FOXP2: variants seen among roughly 807,000 people sequenced by gnomAD.
FOXP2 encodes forkhead box protein P2.
Under a neutral mutation model 115.8 loss-of-function variants are expected in FOXP2, and 12 were observed. The observed-to-expected ratio is 0.10, with a 90% confidence interval of 0.07 to 0.17. The LOEUF (loss-of-function observed/expected upper bound fraction) is 0.17. Ranked by LOEUF, FOXP2 falls within the 10% of genes least tolerant of loss-of-function variation. The pLI is 1.00. For synonymous variants in FOXP2, 328 were observed against 297.7 expected (o/e 1.10, Z -1.05); for missense variants, 629 against 843.5 (o/e 0.75, Z 3.15).
intron 2 of FOXP2, among the ~76,000 whole-genome samples, chr7:114,382,904 C>A (rs1792343613): frequency 6.6e-6 from 1 of 152,120 alleles, no homozygotes; most frequent in African/African-American, 2.4e-5. Flanking sequence ...TCATAGCCTT[C>A]TTCCTAGTTT....
chr7:114,457,663 C>T (rs1795369199), intron 2 of FOXP2, among the ~76,000 whole-genome samples: 1 of 152,092 alleles, frequency 6.6e-6, no homozygotes, highest in Non-Finnish European at 1.5e-5. Flanking sequence ...CTTTCGGAGG[C>T]CAAGGCGGGC....
chr7:114,530,537 A>T (rs1584858141), intron 2 of FOXP2, among the ~76,000 whole-genome samples: 1 of 151,932 alleles, frequency 6.6e-6, no homozygotes, highest in Middle Eastern at 3.4e-3. Flanking sequence ...TTGAAAAAAA[A>T]GTTATTTATA....
chr7:114,301,958 AC>A (rs938147792), intron 2 of FOXP2, among the ~76,000 whole-genome samples: 19 of 152,154 alleles, frequency 1.2e-4, no homozygotes, highest in African/African-American at 4.6e-4. Context: ...TCACTATATG[AC>A]AACATTTGAC....
chr7:114,565,125 T>C (rs1800946053), intron 3 of FOXP2, among the ~76,000 whole-genome samples: 1 of 151,526 alleles, frequency 6.6e-6, no homozygotes, highest in Non-Finnish European at 1.5e-5. Flanking sequence ...GAGAAGGCTA[T>C]TCTAGATTTT....
intron 2 of FOXP2, among the ~76,000 whole-genome samples, chr7:114,338,566 A>G (rs1009266671): frequency 6.6e-6 from 1 of 151,154 alleles, no homozygotes; most frequent in Non-Finnish European, 1.5e-5. Flanking sequence ...TGTAAATGAT[A>G]TTTTATGGTT....
intron 1 of FOXP2, among the ~76,000 whole-genome samples, chr7:114,250,317 G>A (rs1360498245): frequency 1.3e-5 from 2 of 152,266 alleles, no homozygotes; most frequent in African/African-American, 2.4e-5. Context: ...ACCCAGTAAT[G>A]GGATGGCTGG....
At chr7:114,178,688 G>C (rs1793379867) in intron 1 of FOXP2, among the ~76,000 whole-genome samples, 1 of 151,892 alleles carries the variant, frequency 6.6e-6, no homozygotes, top group East Asian at 1.9e-4. Context: ...CTATTAGTAA[G>C]GTAGGTCAGC....
chr7:114,454,294 A>G (rs1795195631), intron 2 of FOXP2, among the ~76,000 whole-genome samples: 1 of 152,182 alleles, frequency 6.6e-6, no homozygotes, highest in South Asian at 2.1e-4. Flanking sequence ...GCCATCAGAG[A>G]AATGCAAATC....
chr7:114,158,403 T>C (rs895907227), upstream of FOXP2, among the ~76,000 whole-genome samples: 2 of 152,118 alleles, frequency 1.3e-5, no homozygotes, highest in South Asian at 4.1e-4. Context: ...ATCTTAAAAA[T>C]TGGACTCTGT....
intron 16 of FOXP2, among the ~76,000 whole-genome samples, chr7:114,685,339 G>GT (rs763325786): frequency 9.2e-5 from 14 of 151,940 alleles, no homozygotes; most frequent in Non-Finnish European, 1.6e-4. Context: ...GGGGCCTATG[G>GT]TTTTATTTTA....
intron 2 of FOXP2, among the ~76,000 whole-genome samples, chr7:114,522,530 A>G (rs962883763): frequency 3.9e-5 from 6 of 152,196 alleles, no homozygotes; most frequent in Admixed American, 3.3e-4. Flanking sequence ...ATTTATATAC[A>G]TATTTTCTAC....
At chr7:114,379,194 A>G (rs1792218403) in intron 2 of FOXP2, among the ~76,000 whole-genome samples, 1 of 152,164 alleles carries the variant, frequency 6.6e-6, no homozygotes, top group African/African-American at 2.4e-5. Context: ...GCCTGGGTTT[A>G]TGTCCCGATC....
intron 2 of FOXP2, among the ~76,000 whole-genome samples, chr7:114,427,176 A>G (rs1052606033): frequency 6.6e-6 from 1 of 151,734 alleles, no homozygotes; most frequent in Non-Finnish European, 1.5e-5. Flanking sequence ...ATTGTAAATC[A>G]TGTAAACACT....
At chr7:114,533,029 T>C (rs528902704) in intron 2 of FOXP2, among the ~76,000 whole-genome samples, 2 of 151,998 alleles carry the variant, frequency 1.3e-5, no homozygotes, top group Non-Finnish European at 2.9e-5. Context: ...AACTGAGCTC[T>C]ATAATAAATA....
chr7:114,270,201 A>C (rs1354034357), intron 1 of FOXP2, among the ~76,000 whole-genome samples: 1 of 152,266 alleles, frequency 6.6e-6, no homozygotes, highest in East Asian at 1.9e-4. Context: ...TATATTTTGC[A>C]GTTTATTTAT....
At chr7:114,195,079 T>C (rs1793869302) in intron 1 of FOXP2, among the ~76,000 whole-genome samples, 1 of 152,152 alleles carries the variant, frequency 6.6e-6, no homozygotes, top group African/African-American at 2.4e-5. Context: ...GGTTTTTGAG[T>C]CTGTCCTTGG....
chr7:114,326,052 G>A (rs899178839), intron 2 of FOXP2, among the ~76,000 whole-genome samples: 5 of 152,038 alleles, frequency 3.3e-5, no homozygotes, highest in South Asian at 2.1e-4. Flanking sequence ...AAAATCAATC[G>A]TAAGAGGTGC....
intron 5 of FOXP2, among the ~76,000 whole-genome samples, chr7:114,630,376 T>G (rs564241828): frequency 6.6e-6 from 1 of 152,248 alleles, no homozygotes. Context: ...GGCCTATTGT[T>G]GGGGATAGGG....
At chr7:114,257,670 C>T (rs928751578) in intron 1 of FOXP2, among the ~76,000 whole-genome samples, 1 of 151,954 alleles carries the variant, frequency 6.6e-6, no homozygotes, top group Non-Finnish European at 1.5e-5. Flanking sequence ...AGCCAGGATG[C>T]TCTTGATTTC....
Sources: gnomAD v4.1 joint callset for allele counts (sites outside exome capture counted in the v4.1 genomes callset) on GRCh38, gnomAD v4.1.1 for gene constraint, MANE v1.5 for transcripts, NCBI Gene and HGNC (gene_info 2026-07-23, HGNC 2026-07-21) for gene names.